The following LHFPL3 variants were observed in gnomAD, a reference collection of about 807,000 sequenced individuals.
The protein encoded by LHFPL3 is LHFPL tetraspan subfamily member 3, also known as LHFPL tetraspan subfamily member 3 protein.
In LHFPL3, 5 loss-of-function variants were observed where a neutral mutation model predicts 19.3. The ratio of observed to expected loss-of-function variants is 0.26; its 90% CI spans 0.14 to 0.54. The LOEUF is 0.54. Ranked by LOEUF, LHFPL3 falls within the 20% of genes least tolerant of loss-of-function variation. The probability of loss-of-function intolerance (pLI) is 0.94; values close to 1 mark genes in which losing one functional copy is unlikely to be tolerated. For synonymous variants in LHFPL3, 133 were observed against 126.2 expected (o/e 1.05, Z -0.36); for missense variants, 249 against 307.4 (o/e 0.81, Z 1.42).
intron 1 of LHFPL3, among the ~76,000 whole-genome samples, chr7:104,581,525 A>AT (rs1164651383): frequency 6.6e-6 from 1 of 151,978 alleles, no homozygotes; most frequent in Non-Finnish European, 1.5e-5. Context: ...TAATTTATCA[A>AT]TTTTTTATTT....
At chr7:104,503,181 T>C (rs776687935) in intron 1 of LHFPL3, among the ~76,000 whole-genome samples, 19 of 151,886 alleles carry the variant, frequency 1.3e-4, no homozygotes, top group Non-Finnish European at 2.5e-4. Context: ...CTTTATAAGA[T>C]AGTAGAATAC....
chr7:104,560,762 A>T (rs536633888), intron 1 of LHFPL3, among the ~76,000 whole-genome samples: 1 of 144,190 alleles, frequency 6.9e-6, no homozygotes, highest in African/African-American at 2.7e-5. Flanking sequence ...TAGTTCTTTT[A>T]ATTGTGATGT....
intron 1 of LHFPL3, among the ~76,000 whole-genome samples, chr7:104,557,102 A>G (rs1386932303): frequency 6.6e-6 from 1 of 152,180 alleles, no homozygotes; most frequent in Non-Finnish European, 1.5e-5. Flanking sequence ...CAAACTTTCC[A>G]ACATTTGACT....
chr7:104,904,527 T>G (rs1190144723), intron 2 of LHFPL3, among the ~76,000 whole-genome samples: 1 of 152,184 alleles, frequency 6.6e-6, no homozygotes, highest in Non-Finnish European at 1.5e-5. Context: ...GGCACATGAC[T>G]GTAATCCCAG....
chr7:104,683,438 CT>C (rs1584478870), intron 1 of LHFPL3, among the ~76,000 whole-genome samples: 1 of 152,170 alleles, frequency 6.6e-6, no homozygotes, highest in East Asian at 1.9e-4. Context: ...TTAACCACCC[CT>C]AACTGAAAAG....
chr7:104,681,154 C>CTTTTTT lies in LHFPL3; in HGVS notation c.446-55509_446-55504dup, dbSNP rs35342944. Among the ~76,000 whole-genome samples, 6 of 132,628 alleles carry CTTTTTT rather than the reference C, an allele frequency of 4.5e-5. 1 individual carries two copies. Among genetic ancestry groups the CTTTTTT allele is most frequent in the Non-Finnish European group, 9.5e-5 (6 of 63,176 alleles). The allele number at this position is 132,628 out of a possible 152,430, so 87.0% of individuals were successfully genotyped here. On this transcript the variant is annotated intron_variant, in intron 1 of 2. Coordinates refer to ENST00000424859, the MANE Select transcript of LHFPL3 (RefSeq NM_199000.3). The stretch of plus-strand genomic sequence containing the variant: ...TTTGGTTTTTTGTCTTTCTTTTCTT[C>CTTTTTT]TTTTTTTTTTTTTTTTTGTTAGGGA...
chr7:104,746,309 C>A (rs1007760904), intron 2 of LHFPL3, among the ~76,000 whole-genome samples: 4 of 151,216 alleles, frequency 2.6e-5, no homozygotes, highest in Admixed American at 6.6e-5. Flanking sequence ...GAGACTCCAT[C>A]TCAAAAAAAA....
At chr7:104,535,910 C>G (rs1388091466) in intron 1 of LHFPL3, among the ~76,000 whole-genome samples, 1 of 152,180 alleles carries the variant, frequency 6.6e-6, no homozygotes, top group East Asian at 1.9e-4. Context: ...GAGCGAGTGC[C>G]ATCGGCACAT....
chr7:104,555,551 C>T (rs1000382090), intron 1 of LHFPL3, among the ~76,000 whole-genome samples: 8 of 152,174 alleles, frequency 5.3e-5, no homozygotes, highest in Non-Finnish European at 7.3e-5. Context: ...ACAGGAAAGA[C>T]CCGCCCCCAA....
At chr7:104,362,884 C>T (rs536957273) in intron 1 of LHFPL3, among the ~76,000 whole-genome samples, 2 of 152,310 alleles carry the variant, frequency 1.3e-5, no homozygotes, top group East Asian at 3.9e-4. Flanking sequence ...GTGGGAGCTA[C>T]AAAACCAGAT....
intron 1 of LHFPL3, among the ~76,000 whole-genome samples, chr7:104,710,908 A>C (rs1793289141): frequency 6.6e-6 from 1 of 152,040 alleles, no homozygotes; most frequent in Non-Finnish European, 1.5e-5. Context: ...GGGAGTCTGG[A>C]CTCTCCAATA....
At chr7:104,759,948 G>C (rs1358970359) in intron 2 of LHFPL3, 1 of 152,242 alleles carries the variant, frequency 6.6e-6, no homozygotes, top group African/African-American at 2.4e-5. Flanking sequence ...CTTGGCCTCA[G>C]AGCCCTGGCA....
chr7:104,776,452 C>A (rs1234938527), intron 2 of LHFPL3, among the ~76,000 whole-genome samples: 1 of 152,174 alleles, frequency 6.6e-6, no homozygotes, highest in African/African-American at 2.4e-5. Context: ...TTGCACCCCC[C>A]ACAGCCAGCT....
chr7:104,869,755 G>A (rs1198069747), intron 2 of LHFPL3, among the ~76,000 whole-genome samples: 1 of 152,190 alleles, frequency 6.6e-6, no homozygotes, highest in Admixed American at 6.6e-5. Context: ...ATACCCAGAG[G>A]ATTATAAATC....
In LHFPL3 at chr7:104,858,960, T is replaced by A. The variant is rs958601093; in HGVS notation, c.683-47227T>A. Among the ~76,000 whole-genome samples, 12 of 149,508 alleles carry A rather than the reference T, an allele frequency of 8.0e-5. No individual in the cohort carries two copies. In the East Asian group the frequency reaches 9.8e-4, roughly 12 times the overall value. On this transcript the variant is annotated intron_variant, in intron 2 of 2. Transcript: ENST00000424859. ...ACCTTTTCACTCCTAAAATTTTATTTAAAAAAAAAAAAAATCTGTTGACAG... is the reference window on the plus strand; with the variant it reads ...ACCTTTTCACTCCTAAAATTTTATTAAAAAAAAAAAAAAATCTGTTGACAG...
At chr7:104,829,880 G>C (rs956103691) in intron 2 of LHFPL3, among the ~76,000 whole-genome samples, 98 of 152,000 alleles carry the variant, frequency 6.4e-4, no homozygotes, top group Non-Finnish European at 1.2e-3. Context: ...GGTATTTCTA[G>C]TTCTAGATCC....
chr7:104,655,464 C>T (rs73713025), intron 1 of LHFPL3, among the ~76,000 whole-genome samples: 2,767 of 152,234 alleles, frequency 0.018, 83 homozygotes, highest in African/African-American at 0.063. Flanking sequence ...TTGGTATGGA[C>T]GTTGGAGTAA....
intron 1 of LHFPL3, among the ~76,000 whole-genome samples, chr7:104,650,847 T>C (rs763656413): frequency 7.2e-5 from 11 of 152,290 alleles, no homozygotes; most frequent in Admixed American, 2.6e-4. Context: ...TTATGGTGAC[T>C]CAAAATTTCT....
intron 1 of LHFPL3, among the ~76,000 whole-genome samples, chr7:104,385,532 C>T (rs1234799092): frequency 6.6e-6 from 1 of 152,128 alleles, no homozygotes; most frequent in East Asian, 1.9e-4. Context: ...ATAATGATTG[C>T]CTCTCTAGAA....
Sources: allele counts gnomAD v4.1 joint callset (sites outside exome capture counted in the v4.1 genomes callset), GRCh38; gene constraint gnomAD v4.1.1; transcripts MANE v1.5; gene names NCBI Gene and HGNC (gene_info 2026-07-23, HGNC 2026-07-21).